Variants in ACO2 observed in about 807,000 individuals in gnomAD.
ACO2 encodes aconitase 2.
A neutral mutation model predicts 84.5 loss-of-function variants in ACO2; 31 were observed. The ratio of observed to expected loss-of-function variants is 0.37; its 90% CI spans 0.28 to 0.50. The LOEUF (loss-of-function observed/expected upper bound fraction) is 0.50, where lower values mean the gene tolerates loss of function less well. Among genes scored for constraint, ACO2 ranks in the 20% least tolerant of loss-of-function variants. The pLI is 0.97. For missense variants in ACO2, 685 were observed against 1,029.3 expected (o/e 0.67, Z 4.58); for synonymous variants, 414 against 412.7 (o/e 1.00, Z -0.04).
intron 1 of ACO2, among the ~76,000 whole-genome samples, chr22:41,479,767 G>A (rs899604476): frequency 6.6e-6 from 1 of 152,218 alleles, no homozygotes; most frequent in Non-Finnish European, 1.5e-5. Context: ...GAGAATGCCC[G>A]TCTCAAGTGT....
intron 2 of ACO2, among the ~76,000 whole-genome samples, chr22:41,503,568 A>G (rs2146110477): frequency 6.6e-6 from 1 of 152,080 alleles, no homozygotes; most frequent in East Asian, 1.9e-4. Context: ...TGACCTTGTG[A>G]TCCACCCGCC....
intron 10 of ACO2, 59 bp from the exon 11 acceptor site, chr22:41,523,146 C>T: frequency 6.4e-7 from 1 of 1,553,566 alleles, no homozygotes; most frequent in East Asian, 2.3e-5. Flanking sequence ...CACCACATCA[C>T]CCCTTCCCAT....
intron 2 of ACO2, among the ~76,000 whole-genome samples, chr22:41,504,929 G>A (rs770175195): frequency 2.6e-5 from 4 of 151,676 alleles, no homozygotes; most frequent in African/African-American, 4.9e-5. Context: ...GCCCAGGCTA[G>A]TCTCAAAACG....
intron 2 of ACO2, 28 bp downstream of exon 2, chr22:41,499,890 T>G: frequency 6.2e-7 from 1 of 1,610,844 alleles, no homozygotes. Context: ...AGGCTGTGAC[T>G]GTCAAGGGCA....
chr22:41,527,970 A>G lies in ACO2; in HGVS notation c.2156A>G (p.His719Arg). The G allele has an allele frequency of 1.2e-6, 2 of 1,613,866 alleles. No individual in the cohort carries two copies. Among genetic ancestry groups the G allele is most frequent in the Non-Finnish European group, 1.7e-6 (2 of 1,179,974 alleles). The part of the protein sequence containing the change: ...FADPADYNKI[H>R]PVDKLTIQGL... ...GACCCGGCTGACTACAACAAGATTC[A>G]CCCTGTGGACAAGCTGACCATTCAG... is the stretch of plus-strand genomic sequence containing the variant. Residue 719 changes from histidine to arginine, a missense_variant, in exon 17 of 18, where the codon CAC (histidine) becomes CGC (arginine). By Grantham distance (29) the His-to-Arg change is conservative (BLOSUM62 0). Coordinates refer to ENST00000216254, the MANE Select transcript of ACO2 (RefSeq NM_001098.3).
chr22:41,469,225 C>T (rs1213209786), intron 1 of ACO2, 43 bp downstream of exon 1: 4 of 1,592,838 alleles, frequency 2.5e-6, no homozygotes, highest in East Asian at 2.3e-5. Flanking sequence ...GGGCGGGGTG[C>T]CTCCTACTGT....
At chr22:41,491,527 G>A (rs1407973925) in intron 1 of ACO2, among the ~76,000 whole-genome samples, 1 of 152,178 alleles carries the variant, frequency 6.6e-6, no homozygotes, top group Non-Finnish European at 1.5e-5. Context: ...CAAAGGACCT[G>A]ATGAGCTAAG....
At chr22:41,518,193 C>T (rs2066490732) in intron 7 of ACO2, among the ~76,000 whole-genome samples, 1 of 152,232 alleles carries the variant, frequency 6.6e-6, no homozygotes, top group South Asian at 2.1e-4. Context: ...TCCTCCCTTT[C>T]CTTATTGAGT....
intron 2 of ACO2, among the ~76,000 whole-genome samples, chr22:41,503,980 G>A (rs892143639): frequency 1.3e-5 from 2 of 152,212 alleles, no homozygotes; most frequent in Non-Finnish European, 2.9e-5. Context: ...TTGGGAGGCC[G>A]AGGCAGGCGG....
rs770633599 is a variant in ACO2, at chr22:41,523,209, A to C, written c.1301A>C (p.Gln434Pro). ...RATIERDGYA[Q>P]ILRDLGGIVL... ...GTCTTCCTCTCTCCCTGGCAGGCAC[A>C]GATCTTGAGGGATCTGGGTGGCATT... The change falls in exon 11 of 18, where the codon CAG becomes CCG. Residue 434 changes from glutamine to proline, a missense_variant. Coordinates refer to ENST00000216254, the MANE Select transcript of ACO2 (RefSeq NM_001098.3). The C allele has an allele frequency of 6.2e-7, 1 of 1,611,428 alleles. No homozygotes were observed. The highest frequency in any genetic ancestry group is 1.3e-5 in the African/African-American group (1 of 74,820).
At chr22:41,501,462 G>A (rs1406954931) in intron 2 of ACO2, among the ~76,000 whole-genome samples, 1 of 152,188 alleles carries the variant, frequency 6.6e-6, no homozygotes, top group Non-Finnish European at 1.5e-5. Context: ...AGTCGGGGCT[G>A]GCAATGCACA....
intron 1 of ACO2, among the ~76,000 whole-genome samples, chr22:41,481,161 C>T (rs189471341): frequency 6.6e-6 from 1 of 152,244 alleles, no homozygotes; most frequent in Admixed American, 6.5e-5. Context: ...AATTAAGGCT[C>T]AGAGAGGTAA....
chr22:41,507,987 A>G lies in ACO2; in HGVS notation c.370A>G (p.Ile124Val), dbSNP rs2066406908. ...GTCCAAGGTGGCTGTGCCATCCACC[A>G]TCCACTGTGACCATCTGATTGAAGC... is the stretch of plus-strand genomic sequence containing the variant. ...GLSKVAVPST[I>V]HCDHLIEAQV... The change falls in exon 3 of 18, where the codon ATC becomes GTC. Residue 124 changes from isoleucine (I) to valine (V), a missense_variant. This residue lies in a region of ACO2 where 92 missense variants were observed against 203.7 expected (regional missense o/e 0.45). Coordinates refer to ENST00000216254, the MANE Select transcript of ACO2 (RefSeq NM_001098.3). 1 of 1,614,192 alleles carries G rather than the reference A, an allele frequency of 6.2e-7. No homozygotes were observed. The highest frequency in any genetic ancestry group is 8.5e-7 in the Non-Finnish European group (1 of 1,180,018).
At position 41,523,921 on chromosome 22, in the gene ACO2, G is replaced by T. The variant is rs745492047; in HGVS notation, c.1462G>T (p.Ala488Ser). ...CAACGACGCAAACCCCGAGACCCAT[G>T]CCTTTGTCACGTCCCCAGAGGTGAG... ...GRNDANPETH[A>S]FVTSPEIVTA... Residue 488 changes from alanine (A) to serine (S), a missense_variant, in exon 12 of 18, where the codon GCC becomes TCC. Ala to Ser is a moderately conservative substitution (Grantham distance 99). Transcript: ENST00000216254. 16 of 1,613,180 alleles carry T rather than the reference G, an allele frequency of 9.9e-6. No homozygotes were observed. The highest frequency in any genetic ancestry group is 1.3e-5 in the Non-Finnish European group (15 of 1,179,990).
chr22:41,516,004 T>A, intron 6 of ACO2, 87 bp downstream of exon 6: 1 of 1,505,872 alleles, frequency 6.6e-7, no homozygotes, highest in African/African-American at 1.4e-5. Context: ...TGAATGGCCT[T>A]CACTTGAGAA....
At chr22:41,476,130 G>A (rs1457299563) in intron 1 of ACO2, among the ~76,000 whole-genome samples, 5 of 152,038 alleles carry the variant, frequency 3.3e-5, no homozygotes, top group Admixed American at 2.0e-4. Flanking sequence ...ATTGTGAGCC[G>A]GGTGTGGTGC....
Position 41,527,332 on chromosome 22 carries a change from C to T in ACO2, c.1998C>T (p.Gly666=), listed in dbSNP as rs756869428. ...TGGTGATCGGAGACGAGAACTACGG[C>T]GAGGGCTCGAGCCGGGAGCATGCAG... The part of the protein sequence containing the change: ...RWVVIGDENY[G]EGSSREHAAL... Residue 666 remains glycine, a synonymous_variant, in exon 16 of 18, where the codon GGC becomes GGT. Coordinates refer to ENST00000216254, the MANE Select transcript of ACO2 (RefSeq NM_001098.3). 22 of 1,613,950 alleles carry T rather than the reference C, an allele frequency of 1.4e-5. No individual in the cohort carries two copies. The highest frequency in any genetic ancestry group is 2.7e-5 in the African/African-American group (2 of 74,898).
intron 1 of ACO2, among the ~76,000 whole-genome samples, chr22:41,496,610 T>C (rs2066315590): frequency 6.6e-6 from 1 of 152,176 alleles, no homozygotes; most frequent in African/African-American, 2.4e-5. Flanking sequence ...GTCACAGGGA[T>C]AGCGTTTATC....
rs887178970 is a variant in ACO2, at chr22:41,507,827, G to T, written c.210G>T (p.Val70=). ...CGCTGACACTCTCGGAGAAGATTGT[G>T]TATGGACACCTGGATGACCCCGCCA... is the stretch of plus-strand genomic sequence containing the variant. The part of the protein sequence containing the change: ...NRPLTLSEKI[V]YGHLDDPASQ... The change falls in exon 3 of 18, where the codon GTG becomes GTT. Residue 70 remains valine, a synonymous_variant. Transcript: ENST00000216254. 4.3e-6 allele frequency: 7 copies of T among 1,614,074 alleles called. No homozygotes were observed. Among genetic ancestry groups the T allele is most frequent in the Non-Finnish European group, 5.9e-6 (7 of 1,180,042 alleles).
Sources: gnomAD v4.1 joint callset for allele counts (sites outside exome capture counted in the v4.1 genomes callset) on GRCh38, gnomAD v4.1.1 for gene constraint, gnomAD v4.1.1 regional missense constraint, MANE v1.5 for transcripts, NCBI Gene and HGNC (gene_info 2026-07-23, HGNC 2026-07-21) for gene names.